Variants in UBTD1 observed in about 807,000 individuals in gnomAD.
The protein encoded by UBTD1 is ubiquitin domain-containing protein 1.
Under a neutral mutation model 21.7 loss-of-function variants are expected in UBTD1, and 19 were observed. That is an observed-to-expected ratio of 0.87 (90% CI 0.61 to 1.28). UBTD1 has a LOEUF of 1.28. Among genes scored for constraint, UBTD1 ranks in the 50% most tolerant of loss-of-function variants. The pLI is 0.00. For missense variants in UBTD1, 282 were observed against 315.1 expected, an observed-to-expected ratio of 0.89 and a Z score of 0.80; for synonymous variants, 116 against 135.1, an observed-to-expected ratio of 0.86 and a Z score of 0.98.
At chr10:97,555,663 C>T (rs1361612275) in intron 1 of UBTD1, among the ~76,000 whole-genome samples, 6 of 21,228 alleles carry the variant, frequency 2.8e-4, no homozygotes, top group East Asian at 7.6e-3. Context: ...GCAGGTGGTA[C>T]GTGACGGGCT....
chr10:97,552,141 C>T (rs1391741323), intron 1 of UBTD1, among the ~76,000 whole-genome samples: 7 of 151,544 alleles, frequency 4.6e-5, no homozygotes, highest in Non-Finnish European at 1.5e-5. Flanking sequence ...GAAGGAGGAT[C>T]ACTTGAAGAC....
At chr10:97,541,780 G>T (rs1564741147) in intron 1 of UBTD1, among the ~76,000 whole-genome samples, 5 of 146,864 alleles carry the variant, frequency 3.4e-5, no homozygotes. Flanking sequence ...TGTCATCCAG[G>T]CTGGAGTGCA....
chr10:97,531,125 G>C (rs1034465436), intron 1 of UBTD1, among the ~76,000 whole-genome samples: 7 of 151,892 alleles, frequency 4.6e-5, no homozygotes, highest in Non-Finnish European at 1.0e-4. Flanking sequence ...CTGACCTCGT[G>C]ATCCGCCCTC....
chr10:97,568,983 C>T (rs1212370686), intron 2 of UBTD1, among the ~76,000 whole-genome samples: 3 of 152,126 alleles, frequency 2.0e-5, no homozygotes, highest in Admixed American at 2.0e-4. Flanking sequence ...GCCATCACGC[C>T]CAGCTAATTT....
At position 97,570,871 on chromosome 10, in the gene UBTD1, T is replaced by C. The variant is rs772424159; in HGVS notation, c.*348T>C. The C allele has an allele frequency of 6.9e-5, 17 of 247,438 alleles. No homozygotes were observed. Among genetic ancestry groups the C allele is most frequent in the Non-Finnish European group, 1.4e-4 (17 of 125,104 alleles). 15.3% of individuals were successfully genotyped at this position (247,438 alleles called of 1,614,324 possible). On this transcript the variant is annotated 3_prime_UTR_variant, in exon 3 of 3. Transcript: ENST00000370664. The surrounding 1 kb of genome is among the most constrained non-coding windows in gnomAD (Gnocchi z 6.6). ...AGCTGTGCTCACTCTGGTTTTCTGCTCAGGGTCTGAAGCAGCTGCTGTCTC... is the reference window on the plus strand; with the variant it reads ...AGCTGTGCTCACTCTGGTTTTCTGCCCAGGGTCTGAAGCAGCTGCTGTCTC...
At chr10:97,561,539 C>T (rs1473266976) in intron 1 of UBTD1, among the ~76,000 whole-genome samples, 1 of 152,114 alleles carries the variant, frequency 6.6e-6, no homozygotes, top group Admixed American at 6.5e-5. Context: ...ACAGGGGATG[C>T]ATGCACCGGT....
chr10:97,511,011 C>T (rs1238364913), intron 1 of UBTD1, among the ~76,000 whole-genome samples: 1 of 152,022 alleles, frequency 6.6e-6, no homozygotes, highest in Non-Finnish European at 1.5e-5. Flanking sequence ...CCTCCGAGTC[C>T]CCAGGGCTTC....
At chr10:97,500,106 A>G (rs1393709900) in intron 1 of UBTD1, among the ~76,000 whole-genome samples, 1 of 152,216 alleles carries the variant, frequency 6.6e-6, no homozygotes, top group Non-Finnish European at 1.5e-5. Flanking sequence ...TCTGGATTCC[A>G]GATGGACCCA....
At chr10:97,519,541 G>A (rs562990110) in intron 1 of UBTD1, among the ~76,000 whole-genome samples, 2 of 152,262 alleles carry the variant, frequency 1.3e-5, no homozygotes, top group Admixed American at 6.5e-5. Context: ...ATTATTGTCC[G>A]TGAGTGGTGA....
intron 1 of UBTD1, among the ~76,000 whole-genome samples, chr10:97,534,275 T>G (rs2135671513): frequency 6.6e-6 from 1 of 152,344 alleles, no homozygotes; most frequent in South Asian, 2.1e-4. Context: ...GAGCACCTAT[T>G]GTGTGCGGAT....
chr10:97,549,759 G>C (rs1227133771), intron 1 of UBTD1, among the ~76,000 whole-genome samples: 2 of 152,244 alleles, frequency 1.3e-5, no homozygotes, highest in Non-Finnish European at 2.9e-5. Context: ...GGCCTGTAAA[G>C]AGGCCACCAA....
chr10:97,559,654 T>A lies in UBTD1; in HGVS notation c.71-8260T>A, dbSNP rs185693353. Among the ~76,000 whole-genome samples, 323 of 152,318 alleles carry A rather than the reference T, an allele frequency of 2.1e-3. 1 individual carries two copies. The highest frequency in any genetic ancestry group is 7.6e-3 in the African/African-American group (316 of 41,574). The stretch of plus-strand genomic sequence containing the variant: ...ACCTTGTAGACATATTTATCCAATT[T>A]TTCATGTTTGACCATAAGGTAAGAT... On this transcript the variant is annotated intron_variant, in intron 1 of 2. Coordinates refer to ENST00000370664, the MANE Select transcript of UBTD1 (RefSeq NM_024954.5).
chr10:97,561,848 C>G (rs1263534815), intron 1 of UBTD1, among the ~76,000 whole-genome samples: 1 of 152,224 alleles, frequency 6.6e-6, no homozygotes, highest in Non-Finnish European at 1.5e-5. Flanking sequence ...CCCCTCCCAC[C>G]TGCAAGAGGA....
intron 1 of UBTD1, among the ~76,000 whole-genome samples, chr10:97,562,483 G>A (rs1289712843): frequency 6.6e-6 from 1 of 151,552 alleles, no homozygotes; most frequent in African/African-American, 2.4e-5. Flanking sequence ...GTGGGCAGGG[G>A]GTGGATCTTA....
intron 1 of UBTD1, among the ~76,000 whole-genome samples, chr10:97,524,789 G>A (rs147242994): frequency 6.6e-6 from 1 of 152,312 alleles, no homozygotes; most frequent in East Asian, 1.9e-4. Context: ...ATAGAACATT[G>A]TTGTTTGCAT....
chr10:97,545,411 G>T (rs10786355), intron 1 of UBTD1, among the ~76,000 whole-genome samples: 575 of 38,082 alleles, frequency 0.015, 2 homozygotes, highest in Admixed American at 0.04. Context: ...TGTGTGTGTG[G>T]GTGTGGGTGT....
In UBTD1 at chr10:97,570,681, A is replaced by G. The variant is rs2040743840; in HGVS notation, c.*158A>G. 1.1e-6 allele frequency: 1 copy of G among 893,986 alleles called. No individual in the cohort carries two copies. Among genetic ancestry groups the G allele is most frequent in the Admixed American group, 2.9e-5 (1 of 34,328 alleles). The allele number at this position is 893,986 out of a possible 1,614,324, so 55.4% of individuals were successfully genotyped here. On this transcript the variant is annotated 3_prime_UTR_variant, in exon 3 of 3. Transcript: ENST00000370664. This position sits in a 1 kb window ranked among gnomAD's most constrained non-coding sequence, Gnocchi z 6.6. ...CCTGCCTTTCAGGGCACTACGCGCCACCAGTTCCCGGTACCCAGGGAGCAG... is the reference window on the plus strand; with the variant it reads ...CCTGCCTTTCAGGGCACTACGCGCCGCCAGTTCCCGGTACCCAGGGAGCAG...
chr10:97,543,244 A>G (rs536827737), intron 1 of UBTD1, among the ~76,000 whole-genome samples: 234 of 152,362 alleles, frequency 1.5e-3, no homozygotes, highest in Non-Finnish European at 2.1e-3. Flanking sequence ...CTGACCAGGC[A>G]TGGCTTGGGA....
chr10:97,521,552 C>T (rs1357499386), intron 1 of UBTD1, among the ~76,000 whole-genome samples: 2 of 152,222 alleles, frequency 1.3e-5, no homozygotes, highest in Non-Finnish European at 2.9e-5. Flanking sequence ...GGATCTGGCT[C>T]TGCAAAAGTT....
Sources: gnomAD v4.1 joint callset for allele counts (sites outside exome capture counted in the v4.1 genomes callset) on GRCh38, gnomAD v4.1.1 for gene constraint, Gnocchi (gnomAD v3.1) non-coding constraint, MANE v1.5 for transcripts, NCBI Gene and HGNC (gene_info 2026-07-23, HGNC 2026-07-21) for gene names.